NEGR1: variants seen among roughly 807,000 people sequenced by gnomAD.
NEGR1 encodes the protein neuronal growth regulator 1, also known as IgLON family member 4.
NEGR1 carries 10 observed loss-of-function variants against 40.9 expected under a neutral mutation model. The ratio of observed to expected loss-of-function variants is 0.24; its 90% CI spans 0.15 to 0.42. The LOEUF (loss-of-function observed/expected upper bound fraction) is 0.42, where lower values mean the gene tolerates loss of function less well. Among genes scored for constraint, NEGR1 ranks in the 10% least tolerant of loss-of-function variants. NEGR1 has a pLI of 1.00. For synonymous variants in NEGR1, 185 were observed against 166.8 expected (o/e 1.11, Z -0.84); for missense variants, 352 against 438.9 (o/e 0.80, Z 1.77).
chr1:71,886,519 T>A (rs924755919), intron 2 of NEGR1, among the ~76,000 whole-genome samples: 8 of 151,234 alleles, frequency 5.3e-5, no homozygotes, highest in Non-Finnish European at 7.4e-5. Context: ...GTGAGGCAGA[T>A]AAATTAGACT....
chr1:71,670,213 G>C lies in NEGR1; in HGVS notation c.667+27795C>G, dbSNP rs984498818. Reference sequence around the variant, plus strand: ...TTTTTATTTTTGAATAATCTTATAGGGAATATACAGTTCTAGTTTGTGCTT... The same window carrying C: ...TTTTTATTTTTGAATAATCTTATAGCGAATATACAGTTCTAGTTTGTGCTT... On this transcript the variant is annotated intron_variant, in intron 4 of 6. Coordinates refer to ENST00000357731, the MANE Select transcript of NEGR1 (RefSeq NM_173808.3). Among the ~76,000 whole-genome samples the C allele has an allele frequency of 1.1e-4, 16 of 151,894 alleles. 1 individual carries two copies.
intron 6 of NEGR1, among the ~76,000 whole-genome samples, chr1:71,442,708 A>G (rs1458771780): frequency 1.3e-5 from 2 of 152,212 alleles, no homozygotes; most frequent in Non-Finnish European, 2.9e-5. Flanking sequence ...TTTAAAGTGC[A>G]GGGAAACAAG....
chr1:71,700,162 A>C (rs1378711233), intron 3 of NEGR1, among the ~76,000 whole-genome samples: 4 of 151,970 alleles, frequency 2.6e-5, no homozygotes, highest in Non-Finnish European at 5.9e-5. Flanking sequence ...TACCTTTTTA[A>C]ATTTTTATTA....
At chr1:71,861,887 T>C (rs944981734) in intron 2 of NEGR1, among the ~76,000 whole-genome samples, 21 of 152,014 alleles carry the variant, frequency 1.4e-4, no homozygotes, top group African/African-American at 4.8e-4. Context: ...ACCATGTATT[T>C]AGATGAGGTG....
intron 1 of NEGR1, among the ~76,000 whole-genome samples, chr1:72,183,399 T>C (rs1474833206): frequency 6.6e-6 from 1 of 152,146 alleles, no homozygotes; most frequent in African/African-American, 2.4e-5. Context: ...AGAACTATAC[T>C]GCATTTTGAA....
At chr1:71,729,760 T>C (rs139286835) in intron 3 of NEGR1, among the ~76,000 whole-genome samples, 202 of 151,980 alleles carry the variant, frequency 1.3e-3, no homozygotes, top group African/African-American at 4.6e-3. Flanking sequence ...TCAGCCTCCC[T>C]AGTAGCTGGG....
intron 1 of NEGR1, among the ~76,000 whole-genome samples, chr1:72,102,111 GAC>G (rs752162814): frequency 1.6e-4 from 25 of 151,920 alleles, no homozygotes; most frequent in Non-Finnish European, 3.1e-4. Flanking sequence ...GAAAACTAAA[GAC>G]ACATTTAAGT....
In NEGR1 at chr1:71,404,874, G is replaced by T. The variant is rs1646268294; in HGVS notation, c.*2572C>A. The T allele has an allele frequency of 6.6e-6, 1 of 152,244 alleles. No individual in the cohort carries two copies. The highest frequency in any genetic ancestry group is 1.5e-5 in the Non-Finnish European group (1 of 67,712). The allele number at this position is 152,244 out of a possible 1,614,324, so 9.4% of individuals were successfully genotyped here. On this transcript the variant is annotated 3_prime_UTR_variant, in exon 7 of 7. Transcript: ENST00000357731. ...AATGGGGTAATCAGACATTTTATAT[G>T]TCCATAAATGTAAAATCATCTACTT...
At chr1:72,185,124 T>C (rs1354075079) in intron 1 of NEGR1, among the ~76,000 whole-genome samples, 1 of 151,936 alleles carries the variant, frequency 6.6e-6, no homozygotes, top group South Asian at 2.1e-4. Flanking sequence ...TATCCATACA[T>C]GCTTTTCTTC....
chr1:71,810,170 C>CAG (rs1330575195), intron 2 of NEGR1, among the ~76,000 whole-genome samples: 1 of 152,110 alleles, frequency 6.6e-6, no homozygotes, highest in Non-Finnish European at 1.5e-5. Flanking sequence ...TGGGGTAAGG[C>CAG]AGAGGTTAAG....
intron 3 of NEGR1, among the ~76,000 whole-genome samples, chr1:71,737,014 A>T (rs910671649): frequency 1.3e-5 from 2 of 152,194 alleles, no homozygotes; most frequent in African/African-American, 4.8e-5. Flanking sequence ...TGCTTCCTAA[A>T]ATTGTTCTCA....
At position 72,190,424 on chromosome 1, in the gene NEGR1, G is replaced by A. The variant is rs990774160; in HGVS notation, c.176+91895C>T. 7.9e-5 allele frequency among the ~76,000 whole-genome samples: 12 copies of A among 151,374 alleles called. 1 individual carries two copies. The highest frequency in any genetic ancestry group is 1.0e-4 in the Non-Finnish European group (7 of 67,650). ...GATAATTGTAAAATGCATGAAAAACGCTTACTGATAATTAGCGATGAATTA... is the reference window on the plus strand; with the variant it reads ...GATAATTGTAAAATGCATGAAAAACACTTACTGATAATTAGCGATGAATTA... On this transcript the variant is annotated intron_variant, in intron 1 of 6. Transcript: ENST00000357731.
At chr1:72,158,185 C>G (rs1651430852) in intron 1 of NEGR1, among the ~76,000 whole-genome samples, 1 of 152,186 alleles carries the variant, frequency 6.6e-6, no homozygotes, top group Non-Finnish European at 1.5e-5. Flanking sequence ...TACGCTGTCA[C>G]TTGTGAAAGA....
chr1:71,940,674 A>G (rs1265489566), intron 1 of NEGR1, among the ~76,000 whole-genome samples: 1 of 152,164 alleles, frequency 6.6e-6, no homozygotes, highest in Non-Finnish European at 1.5e-5. Context: ...ATGAAGTCCC[A>G]TTGGGTGAGA....
At chr1:71,943,023 T>C (rs1297632889) in intron 1 of NEGR1, among the ~76,000 whole-genome samples, 1 of 134,428 alleles carries the variant, frequency 7.4e-6, no homozygotes, top group Non-Finnish European at 1.6e-5. Context: ...TATGTGTATA[T>C]ATATACACAC....
chr1:71,583,579 A>C (rs1649206625), intron 6 of NEGR1, among the ~76,000 whole-genome samples: 1 of 152,176 alleles, frequency 6.6e-6, no homozygotes, highest in Non-Finnish European at 1.5e-5. Flanking sequence ...AGTTAATGTT[A>C]GTCAGTTTGA....
In NEGR1 at chr1:72,273,067, C is replaced by T. The variant is rs114944491; in HGVS notation, c.176+9252G>A. On this transcript the variant is annotated intron_variant, in intron 1 of 6. Transcript: ENST00000357731. The stretch of plus-strand genomic sequence containing the variant: ...ACCTGATATGGCTTAGAAACCACTA[C>T]ACCAATAGATAACATCCTCAACATT... Among the ~76,000 whole-genome samples, 1,425 of 152,040 alleles carry T rather than the reference C, an allele frequency of 9.4e-3. 30 individuals carry two copies. Among genetic ancestry groups the T allele is most frequent in the African/African-American group, 0.033 (1,360 of 41,518 alleles).
At chr1:72,226,158 T>C (rs746266846) in intron 1 of NEGR1, among the ~76,000 whole-genome samples, 12 of 151,900 alleles carry the variant, frequency 7.9e-5, no homozygotes, top group African/African-American at 1.2e-4. Flanking sequence ...GAAACATGTA[T>C]TACCTATATT....
chr1:71,739,199 GAAAAAAAAAAAAA>G (rs776411417), intron 3 of NEGR1, among the ~76,000 whole-genome samples: 1 of 63,652 alleles, frequency 1.6e-5, no homozygotes, highest in Non-Finnish European at 3.4e-5. Context: ...AAGGCAGGCA[GAAAAAAAAAAAAA>G]AAAAACAAAA....
Sources: allele counts gnomAD v4.1 joint callset (sites outside exome capture counted in the v4.1 genomes callset), GRCh38; gene constraint gnomAD v4.1.1; transcripts MANE v1.5; gene names NCBI Gene and HGNC (gene_info 2026-07-23, HGNC 2026-07-21).